The following SASH1 variants were observed in gnomAD, a reference collection of about 807,000 sequenced individuals.
SASH1 encodes SAM and SH3 domain-containing protein 1.
Under a neutral mutation model 125.2 loss-of-function variants are expected in SASH1, and 44 were observed. The observed-to-expected ratio is 0.35, with a 90% confidence interval of 0.28 to 0.45. SASH1 has a LOEUF of 0.45. Among genes scored for constraint, SASH1 ranks in the 20% least tolerant of loss-of-function variants. SASH1 has a pLI of 1.00. For synonymous variants in SASH1, 639 were observed against 649.1 expected, an observed-to-expected ratio of 0.98 and a Z score of 0.24; for missense variants, 1,426 against 1,614.5, an observed-to-expected ratio of 0.88 and a Z score of 2.00.
rs371036201 is a variant in SASH1 at position 148,495,992 on chromosome 6, C to T, written c.729+8277C>T. ...CTGGGATTACAGGCGCACGCCATCA[C>T]GCCTGGCTAATTTTTTTTTTTTTTT... On this transcript the variant is annotated intron_variant, in intron 8 of 19. Coordinates refer to ENST00000367467, the MANE Select transcript of SASH1 (RefSeq NM_015278.5). The surrounding 1 kb of genome is among the most constrained non-coding windows in gnomAD (Gnocchi z 4.0). Among the ~76,000 whole-genome samples the T allele has an allele frequency of 5.4e-5, 8 of 149,126 alleles. No individual in the cohort carries two copies. The highest frequency in any genetic ancestry group is 1.7e-4 in the African/African-American group (7 of 40,426).
At chr6:148,421,182 AAAGAAAGAAAG>A (rs1388057878) in intron 2 of SASH1, among the ~76,000 whole-genome samples, 1 of 146,924 alleles carries the variant, frequency 6.8e-6, no homozygotes, top group Non-Finnish European at 1.5e-5. Context: ...AGAAAGAAAG[AAAGAAAGAAAG>A]AAAGAAAGAA....
intron 4 of SASH1, among the ~76,000 whole-genome samples, chr6:148,447,911 G>A (rs1483489933): frequency 1.3e-5 from 2 of 151,988 alleles, no homozygotes; most frequent in Non-Finnish European, 2.9e-5. Flanking sequence ...CCTTCAGCGG[G>A]ATACTCTGTC....
At chr6:148,224,367 CT>C in the SASH1 span, among the ~76,000 whole-genome samples, 20,687 of 146,472 alleles carry the variant, frequency 0.14, 1,430 homozygotes, top group African/African-American at 0.18. Flanking sequence ...TCCCCCCAGC[CT>C]TTTTTTTTTT....
chr6:148,354,092 G>C (rs1402346527), intron 1 of SASH1, among the ~76,000 whole-genome samples: 2 of 152,160 alleles, frequency 1.3e-5, no homozygotes, highest in African/African-American at 4.8e-5. Context: ...TTGAGCCCAT[G>C]AGGTCAAGGC....
At chr6:148,436,236 A>G (rs1776286109) in intron 2 of SASH1, among the ~76,000 whole-genome samples, 1 of 152,130 alleles carries the variant, frequency 6.6e-6, no homozygotes, top group East Asian at 1.9e-4. Context: ...GGCAATACAA[A>G]TCTCAGCACT....
intron 4 of SASH1, among the ~76,000 whole-genome samples, chr6:148,454,111 T>C (rs2115052238): frequency 6.6e-6 from 1 of 152,000 alleles, no homozygotes; most frequent in Admixed American, 6.5e-5. Flanking sequence ...TCAGTCACCG[T>C]CTCCAAGCGA....
the SASH1 span, among the ~76,000 whole-genome samples, chr6:148,198,549 A>G: frequency 2.0e-5 from 3 of 152,236 alleles, no homozygotes; most frequent in African/African-American, 7.2e-5. Flanking sequence ...ACATACAGGA[A>G]AAAGAGGTAT....
chr6:148,334,973 CA>C (rs71004288), intron 1 of SASH1, among the ~76,000 whole-genome samples: 79,329 of 114,630 alleles, frequency 0.69, 26,034 homozygotes, highest in Middle Eastern at 0.75. Context: ...GACTCCATCT[CA>C]AAAAAAAAAA....
chr6:148,335,556 G>T (rs1781131706), intron 1 of SASH1, among the ~76,000 whole-genome samples: 1 of 151,652 alleles, frequency 6.6e-6, no homozygotes, highest in African/African-American at 2.4e-5. Context: ...GGATGAAGTT[G>T]GTAGTTTGAA....
At chr6:148,379,245 C>G (rs1783035214) in intron 1 of SASH1, among the ~76,000 whole-genome samples, 1 of 152,194 alleles carries the variant, frequency 6.6e-6, no homozygotes, top group African/African-American at 2.4e-5. Context: ...TGTCCTGCCA[C>G]ACCTCTGCAT....
chr6:148,550,617 A>AAAT lies in SASH1; in HGVS notation c.*2061_*2062insTAA, dbSNP rs371256370. 6.6e-6 allele frequency: 1 copy of AAAT among 152,374 alleles called. No individual in the cohort carries two copies. The highest frequency in any genetic ancestry group is 1.9e-4 in the East Asian group (1 of 5,194). The allele number at this position is 152,374 out of a possible 1,614,324, so 9.4% of individuals were successfully genotyped here. On this transcript the variant is annotated 3_prime_UTR_variant, in exon 20 of 20. Coordinates refer to ENST00000367467, the MANE Select transcript of SASH1 (RefSeq NM_015278.5). ...GCTGCCAAATTTCTGTTGAACTCTT[A>AAAT]AAAACAGCTCATGTTTGTTTGTCCT...
chr6:148,257,954 C>T, the SASH1 span, among the ~76,000 whole-genome samples: 1 of 152,192 alleles, frequency 6.6e-6, no homozygotes, highest in African/African-American at 2.4e-5. Flanking sequence ...ATCTGTTCCA[C>T]TAGTCTTTAA....
intron 1 of SASH1, among the ~76,000 whole-genome samples, chr6:148,387,540 TTCTTTTCTTTTC>T: frequency 6.9e-6 from 1 of 145,580 alleles, no homozygotes; most frequent in East Asian, 1.9e-4. Flanking sequence ...TCTTCTTTCT[TTCTTTTCTTTTC>T]CTTTCTTTCT....
At chr6:148,355,476 T>C (rs1288849216) in intron 1 of SASH1, among the ~76,000 whole-genome samples, 1 of 152,222 alleles carries the variant, frequency 6.6e-6, no homozygotes, top group East Asian at 1.9e-4. Context: ...GTAGAAGATA[T>C]TATAAAATCT....
intron 2 of SASH1, among the ~76,000 whole-genome samples, chr6:148,395,927 TGG>T (rs1783929465): frequency 6.6e-6 from 1 of 152,094 alleles, no homozygotes; most frequent in African/African-American, 2.4e-5. Flanking sequence ...GGAATCTGTG[TGG>T]GTATTGGCAG....
intron 12 of SASH1, among the ~76,000 whole-genome samples, 193 bp from the exon 13 acceptor site, chr6:148,531,329 TAATA>T (rs1400144036): frequency 6.6e-6 from 1 of 152,180 alleles, no homozygotes; most frequent in Admixed American, 6.5e-5. Flanking sequence ...TTTGAGTGCT[TAATA>T]AATAGTGACA....
the SASH1 span, among the ~76,000 whole-genome samples, chr6:148,262,776 G>A: frequency 6.6e-6 from 1 of 152,198 alleles, no homozygotes; most frequent in African/African-American, 2.4e-5. Context: ...CCAACTACTT[G>A]AGAGGCTGAG....
At chr6:148,395,524 G>C (rs977425192) in intron 2 of SASH1, among the ~76,000 whole-genome samples, 2 of 152,172 alleles carry the variant, frequency 1.3e-5, no homozygotes, top group Non-Finnish European at 2.9e-5. Context: ...AGACAACAGA[G>C]AGTACAGATG....
intron 4 of SASH1, among the ~76,000 whole-genome samples, chr6:148,443,172 C>T (rs1456919148): frequency 1.4e-5 from 2 of 146,980 alleles, no homozygotes; most frequent in East Asian, 4.0e-4. Context: ...AAAAATGGCT[C>T]ACGGCATGTT....
Sources: gnomAD v4.1 joint callset for allele counts (sites outside exome capture counted in the v4.1 genomes callset) on GRCh38, gnomAD v4.1.1 for gene constraint, Gnocchi (gnomAD v3.1) non-coding constraint, MANE v1.5 for transcripts, NCBI Gene and HGNC (gene_info 2026-07-23, HGNC 2026-07-21) for gene names.